CPNE2: variants seen among roughly 807,000 people sequenced by gnomAD.
CPNE2 encodes copine 2, also known as copine-2.
CPNE2 carries 42 observed loss-of-function variants against 69.7 expected under a neutral mutation model. The ratio of observed to expected loss-of-function variants is 0.60; its 90% CI spans 0.47 to 0.78. The LOEUF is 0.78. Among genes scored for constraint, CPNE2 ranks in the 30% least tolerant of loss-of-function variants. CPNE2 has a pLI of 0.00. For missense variants in CPNE2, 587 were observed against 732.0 expected, an observed-to-expected ratio of 0.80 and a Z score of 2.29; for synonymous variants, 294 against 289.8, an observed-to-expected ratio of 1.01 and a Z score of -0.15.
chr16:57,115,738 A>T (rs978276022), intron 4 of CPNE2, among the ~76,000 whole-genome samples, 188 bp downstream of exon 4: 10 of 152,320 alleles, frequency 6.6e-5, no homozygotes, highest in African/African-American at 2.4e-4. Flanking sequence ...GGGGGCTGAC[A>T]AGCTGGGGAG....
intron 9 of CPNE2, among the ~76,000 whole-genome samples, 200 bp downstream of exon 9, chr16:57,121,960 A>G (rs1305454792): frequency 2.0e-5 from 3 of 152,226 alleles, no homozygotes; most frequent in African/African-American, 7.2e-5. Context: ...AACGAGGCAG[A>G]GCATGTCCAG....
intron 3 of CPNE2, among the ~76,000 whole-genome samples, chr16:57,115,062 G>A (rs774324874): frequency 2.0e-5 from 3 of 151,708 alleles, no homozygotes; most frequent in Non-Finnish European, 2.9e-5. Flanking sequence ...AGCCGTGATC[G>A]AGACCTGTCT....
At chr16:57,114,963 C>T (rs1201625017) in intron 3 of CPNE2, among the ~76,000 whole-genome samples, 1 of 80,966 alleles carries the variant, frequency 1.2e-5, no homozygotes, top group Admixed American at 1.2e-4. Context: ...AAAAAAAAGC[C>T]AGGCGTGGTG....
intron 13 of CPNE2, 151 bp downstream of exon 13, chr16:57,134,977 C>T: frequency 1.2e-6 from 1 of 861,360 alleles, no homozygotes; most frequent in East Asian, 2.6e-5. Flanking sequence ...GGAAGAGCTG[C>T]AGTTTGGAGT....
chr16:57,093,038 GGA>G (rs2069554152), intron 1 of CPNE2, among the ~76,000 whole-genome samples: 1 of 152,146 alleles, frequency 6.6e-6, no homozygotes, highest in Non-Finnish European at 1.5e-5. Context: ...GGGTCCCTGG[GGA>G]GGGGGGCGCC....
chr16:57,145,166 G>C (rs918854131), intron 14 of CPNE2, among the ~76,000 whole-genome samples: 2 of 152,144 alleles, frequency 1.3e-5, no homozygotes, highest in African/African-American at 4.8e-5. Flanking sequence ...CATAAATAGA[G>C]AGTAACAAAA....
Position 57,137,270 on chromosome 16 carries a change from G to T in CPNE2, c.1290G>T (p.Gln430His). 1 of 1,614,168 alleles carries T rather than the reference G, an allele frequency of 6.2e-7. No homozygotes were observed. The highest frequency in any genetic ancestry group is 8.5e-7 in the Non-Finnish European group (1 of 1,180,028). The change falls in exon 14 of 16, where the codon CAG becomes CAT. Residue 430 changes from glutamine to histidine, a missense_variant. By Grantham distance (24) the Gln-to-His change is conservative. This residue lies in a region of CPNE2 where 185 missense variants were observed against 252.3 expected (regional missense o/e 0.73). Coordinates refer to ENST00000290776, the MANE Select transcript of CPNE2 (RefSeq NM_152727.6). ...GGTTTGCGGCCCAGGCCACACAACA[G>T]CGGACGGCCACGGTGAGTAGGCAGC... ...VARFAAQATQQRTATQYFILL... is the reference protein window; with the variant it reads ...VARFAAQATQHRTATQYFILL...
At chr16:57,147,194 G>A (rs2145290609) in intron 15 of CPNE2, 1 of 191,282 alleles carries the variant, frequency 5.2e-6, no homozygotes, top group East Asian at 1.3e-4. Flanking sequence ...GTTCACTAGT[G>A]AACCATACTG....
At chr16:57,111,208 T>G (rs1260654663) in intron 2 of CPNE2, among the ~76,000 whole-genome samples, 1 of 149,910 alleles carries the variant, frequency 6.7e-6, no homozygotes, top group African/African-American at 2.5e-5. Context: ...AGACGGAATC[T>G]CTCTGTCCCC....
intron 2 of CPNE2, 160 bp from the exon 3 acceptor site, chr16:57,113,128 T>G: frequency 1.5e-6 from 1 of 658,060 alleles, no homozygotes; most frequent in Non-Finnish European, 2.6e-6. Flanking sequence ...TGCTTCAGTG[T>G]CCTTGTCTGT....
rs1008761193 is a variant in CPNE2 at position 57,094,934 on chromosome 16, T to A, written c.-36+2144T>A. On this transcript the variant is annotated intron_variant, in intron 1 of 15. Coordinates refer to ENST00000290776, the MANE Select transcript of CPNE2 (RefSeq NM_152727.6). ...GAGCACTCTCTAGTAATTTTCTCCC[T>A]CCTGTCAGAGCAGGAGGCATCATCG... Among the ~76,000 whole-genome samples, 13 of 152,114 alleles carry A rather than the reference T, an allele frequency of 8.5e-5. 1 individual carries two copies. Among genetic ancestry groups the A allele is most frequent in the Non-Finnish European group, 1.9e-4 (13 of 68,000 alleles).
intron 12 of CPNE2, among the ~76,000 whole-genome samples, chr16:57,129,689 C>T (rs892733239): frequency 1.3e-5 from 2 of 152,168 alleles, no homozygotes; most frequent in East Asian, 3.9e-4. Context: ...CGTGGTGGCA[C>T]ATGCCTGTAA....
At chr16:57,103,423 C>T (rs2069628014) in intron 1 of CPNE2, among the ~76,000 whole-genome samples, 2 of 152,348 alleles carry the variant, frequency 1.3e-5, no homozygotes, top group East Asian at 1.9e-4. Context: ...CACACCTGGC[C>T]TGTTTTTCCC....
At position 57,146,015 on chromosome 16, in the gene CPNE2, G is replaced by A; in HGVS notation, c.1303-70G>A. ...CTCCAGGACTCGGAGGGTTTGGGAT[G>A]AAGGAGGGAGGGAGAAGGGGTGCCA... is the stretch of plus-strand genomic sequence containing the variant. On this transcript the variant is annotated intron_variant, in intron 14 of 15. Transcript: ENST00000290776. The surrounding 1 kb of genome is among the most constrained non-coding windows in gnomAD (Gnocchi z 4.4). 1.5e-6 allele frequency: 2 copies of A among 1,325,710 alleles called. No individual in the cohort carries two copies. Among genetic ancestry groups the A allele is most frequent in the Admixed American group, 3.8e-5 (2 of 52,064 alleles). 82.1% of individuals were successfully genotyped at this position (1,325,710 alleles called of 1,614,324 possible).
chr16:57,105,992 G>C (rs890740289), intron 1 of CPNE2: 1 of 152,744 alleles, frequency 6.5e-6, no homozygotes, highest in Non-Finnish European at 1.5e-5. Context: ...TGGGGTAGGA[G>C]GGGAGGGGGC....
intron 1 of CPNE2, among the ~76,000 whole-genome samples, chr16:57,101,685 CTCAAAGTGTGGTT>C (rs2069614762): frequency 6.6e-6 from 1 of 152,238 alleles, no homozygotes; most frequent in Non-Finnish European, 1.5e-5. Context: ...AGCCTCGTGT[CTCAAAGTGTGGTT>C]CCAGGGGGGC....
intron 14 of CPNE2, among the ~76,000 whole-genome samples, chr16:57,139,878 T>C (rs2069909059): frequency 6.6e-6 from 1 of 152,026 alleles, no homozygotes; most frequent in Non-Finnish European, 1.5e-5. Context: ...TCCTCATTTG[T>C]ACAGTGGGAA....
At chr16:57,125,454 C>CA in intron 10 of CPNE2, 1 of 432,110 alleles carries the variant, frequency 2.3e-6, no homozygotes, top group Middle Eastern at 3.5e-4. Flanking sequence ...GGAGCAGTGG[C>CA]ATCTGAGTTG....
At chr16:57,113,920 T>C (rs1351790028) in intron 3 of CPNE2, among the ~76,000 whole-genome samples, 1 of 152,214 alleles carries the variant, frequency 6.6e-6, no homozygotes, top group East Asian at 1.9e-4. Context: ...CTGACACAAG[T>C]CTCAATCATT....
Sources: allele counts gnomAD v4.1 joint callset (sites outside exome capture counted in the v4.1 genomes callset), GRCh38; gene constraint gnomAD v4.1.1; regional missense constraint gnomAD v4.1.1; non-coding constraint Gnocchi (gnomAD v3.1); transcripts MANE v1.5; gene names NCBI Gene and HGNC (gene_info 2026-07-23, HGNC 2026-07-21).